MAP2K6: variants seen among roughly 807,000 people sequenced by gnomAD.
MAP2K6 encodes the protein dual specificity mitogen-activated protein kinase kinase 6.
A neutral mutation model predicts 53.7 loss-of-function variants in MAP2K6; 16 were observed. The ratio of observed to expected loss-of-function variants is 0.30; its 90% confidence interval spans 0.20 to 0.45. The LOEUF is 0.45. MAP2K6 is among the 20% of genes least tolerant of loss of function. MAP2K6 has a pLI of 1.00. For synonymous variants in MAP2K6, 132 were observed against 143.1 expected, an observed-to-expected ratio of 0.92 and a Z score of 0.55; for missense variants, 204 against 411.9, an observed-to-expected ratio of 0.50 and a Z score of 4.37.
chr17:69,543,282 A>G lies in MAP2K6; in HGVS notation c.*1529A>G, dbSNP rs1420168949. The stretch of plus-strand genomic sequence containing the variant: ...TTTTTTCTTTCTTGGCCTCAAGTTC[A>G]ATATGGAGAGGATTGCTTCCCTGAA... On this transcript the variant is annotated 3_prime_UTR_variant, in exon 12 of 12. Transcript: ENST00000590474. 3 of 152,134 alleles carry G rather than the reference A, an allele frequency of 2.0e-5. No homozygotes were observed. The highest frequency in any genetic ancestry group is 2.9e-5 in the Non-Finnish European group (2 of 68,008). 9.4% of individuals were successfully genotyped at this position (152,134 alleles called of 1,614,324 possible). A position where few individuals can be genotyped will look rare whatever the true frequency, so the allele number is the denominator to read the frequency against.
At chr17:69,517,977 T>G (rs1910258866) in intron 4 of MAP2K6, among the ~76,000 whole-genome samples, 1 of 151,986 alleles carries the variant, frequency 6.6e-6, no homozygotes, top group Admixed American at 6.6e-5. Context: ...GATCACGAGG[T>G]CAGGAGTTCG....
chr17:69,497,553 C>T (rs2715819), intron 1 of MAP2K6, among the ~76,000 whole-genome samples: 61,339 of 151,036 alleles, frequency 0.41, 12,960 homozygotes, highest in East Asian at 0.55. Context: ...ATGGATGTGG[C>T]ATGATGTTCC....
chr17:69,486,755 CA>C (rs1420690671), intron 1 of MAP2K6, among the ~76,000 whole-genome samples: 1 of 149,760 alleles, frequency 6.7e-6, no homozygotes, highest in East Asian at 1.9e-4. Flanking sequence ...CAATGTCATC[CA>C]AACCCCCTGC....
chr17:69,513,851 A>T (rs529052126), intron 2 of MAP2K6, among the ~76,000 whole-genome samples: 1 of 152,254 alleles, frequency 6.6e-6, no homozygotes, highest in South Asian at 2.1e-4. Context: ...ATGGTGGGTG[A>T]CGCCTGTAAC....
rs573247318 is a variant in MAP2K6, at chr17:69,519,315, G to A, written c.249G>A (p.Arg83=). ...VPSGQIMAVK[R]IRATVNSQEQ... is the part of the protein sequence containing the mutation. ...ATTTTCCATGCATTTCCATTCAGCG[G>A]ATCCGAGCCACAGTAAATAGCCAGG... The change falls in exon 5 of 12, where the codon CGG becomes CGA. Residue 83 remains arginine, a splice_region_variant and synonymous_variant. Transcript: ENST00000590474. 6.2e-7 allele frequency: 1 copy of A among 1,613,380 alleles called. No individual in the cohort carries two copies. The highest frequency in any genetic ancestry group is 1.7e-5 in the Admixed American group (1 of 59,886).
At chr17:69,434,147 A>G (rs912738416) in intron 1 of MAP2K6, 4 of 152,180 alleles carry the variant, frequency 2.6e-5, no homozygotes, top group African/African-American at 9.7e-5. Flanking sequence ...CTACCCCTAA[A>G]AGATACCAAC....
chr17:69,439,834 A>G (rs920592783), intron 1 of MAP2K6, among the ~76,000 whole-genome samples: 3 of 152,234 alleles, frequency 2.0e-5, no homozygotes, highest in East Asian at 1.9e-4. Context: ...TTTAGCTGCT[A>G]AGAATAGGAA....
At chr17:69,417,975 A>G (rs541420105) in intron 1 of MAP2K6, among the ~76,000 whole-genome samples, 3 of 152,358 alleles carry the variant, frequency 2.0e-5, no homozygotes, top group African/African-American at 4.8e-5. Context: ...ATGAGGCACA[A>G]TTCAGAAGCA....
chr17:69,535,965 GT>G lies in MAP2K6; in HGVS notation c.882-148del, dbSNP rs1336265822. The G allele has an allele frequency of 1.1e-5, 7 of 609,042 alleles. No homozygotes were observed. In the East Asian group the frequency reaches 2.1e-4, roughly 18 times the overall value. 37.7% of individuals were successfully genotyped at this position (609,042 alleles called of 1,614,324 possible). ...GTGATTTAAAACATGATACATAAGT[GT>G]TACAGAAGAGGAAAGTCAAGATAGG... On this transcript the variant is annotated intron_variant, in intron 10 of 11. Transcript: ENST00000590474.
intron 1 of MAP2K6, among the ~76,000 whole-genome samples, chr17:69,483,484 C>T (rs756721910): frequency 6.6e-6 from 1 of 152,056 alleles, no homozygotes; most frequent in Non-Finnish European, 1.5e-5. Context: ...GTACCATGTT[C>T]ATGAGTCAAA....
chr17:69,456,515 G>T (rs896055479), intron 1 of MAP2K6, among the ~76,000 whole-genome samples: 2 of 152,168 alleles, frequency 1.3e-5, no homozygotes, highest in Non-Finnish European at 1.5e-5. Context: ...GGTCTACTCA[G>T]AGCTACCCAA....
intron 10 of MAP2K6, among the ~76,000 whole-genome samples, chr17:69,527,305 G>A (rs977361921): frequency 4.6e-5 from 7 of 152,176 alleles, no homozygotes; most frequent in African/African-American, 1.7e-4. Context: ...TAGAACCTTG[G>A]TTGCTACTGA....
At chr17:69,522,226 A>G (rs1346987627) in intron 7 of MAP2K6, among the ~76,000 whole-genome samples, 2 of 152,170 alleles carry the variant, frequency 1.3e-5, no homozygotes, top group African/African-American at 2.4e-5. Context: ...CAGTGTGCCT[A>G]TTATTGTTAG....
rs184587822 is a variant in MAP2K6 at position 69,447,369 on chromosome 17, G to A, written c.16+32369G>A. 4.3e-3 allele frequency among the ~76,000 whole-genome samples: 655 copies of A among 152,016 alleles called. 3 individuals carry two copies. The highest frequency in any genetic ancestry group is 7.3e-3 in the Non-Finnish European group (498 of 67,994). ...AATGTCATTTTTATATTTTTGAGAT[G>A]GAGTCTTGCTCTGTCGCCCAGATTG... is the stretch of plus-strand genomic sequence containing the variant. On this transcript the variant is annotated intron_variant, in intron 1 of 11. Coordinates refer to ENST00000590474, the MANE Select transcript of MAP2K6 (RefSeq NM_002758.4).
intron 6 of MAP2K6, 165 bp downstream of exon 6, chr17:69,520,551 C>G: frequency 1.7e-6 from 1 of 596,310 alleles, no homozygotes; most frequent in Non-Finnish European, 2.9e-6. Flanking sequence ...CCTTTCTGAG[C>G]ACTGTGTAGA....
chr17:69,496,240 G>T (rs1908944381), intron 1 of MAP2K6, among the ~76,000 whole-genome samples: 1 of 150,784 alleles, frequency 6.6e-6, no homozygotes, highest in Admixed American at 6.6e-5. Context: ...CCGATTCTTC[G>T]AAATGTTCTT....
intron 1 of MAP2K6, among the ~76,000 whole-genome samples, chr17:69,442,673 C>T (rs1317022321): frequency 6.6e-6 from 1 of 152,140 alleles, no homozygotes; most frequent in Non-Finnish European, 1.5e-5. Context: ...GAAAGACAAA[C>T]CTAGTTCCCT....
chr17:69,449,062 G>A (rs1345519049), intron 1 of MAP2K6, among the ~76,000 whole-genome samples: 1 of 152,206 alleles, frequency 6.6e-6, no homozygotes, highest in Non-Finnish European at 1.5e-5. Context: ...CTGTAAAGGA[G>A]CGTTTTTCTC....
intron 1 of MAP2K6, among the ~76,000 whole-genome samples, chr17:69,480,419 T>C (rs144548171): frequency 1.5e-3 from 224 of 152,324 alleles, no homozygotes; most frequent in Non-Finnish European, 2.9e-3. Context: ...AGTTTCAGCT[T>C]TTCAGAGAGC....
Sources: allele counts gnomAD v4.1 joint callset (sites outside exome capture counted in the v4.1 genomes callset), GRCh38; gene constraint gnomAD v4.1.1; transcripts MANE v1.5; gene names NCBI Gene and HGNC (gene_info 2026-07-23, HGNC 2026-07-21).